PDS5B: variants seen among roughly 807,000 people sequenced by gnomAD.
PDS5B encodes sister chromatid cohesion protein PDS5 homolog B.
Under a neutral mutation model 184.1 loss-of-function variants are expected in PDS5B, and 51 were observed. The ratio of observed to expected loss-of-function variants is 0.28; its 90% confidence interval spans 0.22 to 0.35. The LOEUF (loss-of-function observed/expected upper bound fraction) is 0.35. Ranked by LOEUF, PDS5B falls within the 10% of genes least tolerant of loss-of-function variation. The pLI, the probability that PDS5B is intolerant of heterozygous loss-of-function variation, is 1.00. For synonymous variants in PDS5B, 566 were observed against 569.2 expected, an observed-to-expected ratio of 0.99 and a Z score of 0.08; for missense variants, 1,180 against 1,723.3, an observed-to-expected ratio of 0.68 and a Z score of 5.58.
intron 1 of PDS5B, among the ~76,000 whole-genome samples, chr13:32,619,807 A>G (rs1181636255): frequency 6.6e-6 from 1 of 152,066 alleles, no homozygotes; most frequent in Non-Finnish European, 1.5e-5. Flanking sequence ...TAAACATTTT[A>G]TTTTATTTGA....
intron 19 of PDS5B, among the ~76,000 whole-genome samples, chr13:32,724,594 A>AT (rs1020299802): frequency 1.2e-4 from 18 of 150,938 alleles, no homozygotes; most frequent in African/African-American, 3.4e-4. Flanking sequence ...GTTTGTTTTG[A>AT]TTTTTTTAAC....
intron 8 of PDS5B, 44 bp downstream of exon 8, chr13:32,673,400 C>G: frequency 6.6e-7 from 1 of 1,506,568 alleles, no homozygotes; most frequent in Admixed American, 1.8e-5. Context: ...AAGTTATTAG[C>G]AAAGAGCATT....
At chr13:32,747,555 C>T (rs1030882754) in intron 24 of PDS5B, among the ~76,000 whole-genome samples, 7 of 149,936 alleles carry the variant, frequency 4.7e-5, no homozygotes, top group African/African-American at 1.7e-4. Context: ...CCATTGCACT[C>T]CAGCCTGGGC....
chr13:32,775,045 G>A lies in PDS5B; in HGVS notation c.4337G>A (p.Arg1446Gln), dbSNP rs1212268137. 3.7e-6 allele frequency: 6 copies of A among 1,608,002 alleles called. No homozygotes were observed. Among genetic ancestry groups the A allele is most frequent in the Admixed American group, 1.7e-5 (1 of 59,778 alleles). Reference protein sequence around the residue: ...NVRRRSAKRERR With the variant: ...NVRRRSAKREQR ...CGGCGGCGAAGTGCTAAAAGGGAACGGCGATGAACAAATGTAATTAATAAC... is the reference window on the plus strand; with the variant it reads ...CGGCGGCGAAGTGCTAAAAGGGAACAGCGATGAACAAATGTAATTAATAAC... Residue 1446 changes from arginine to glutamine, a missense_variant, in exon 35 of 35, where the codon CGG becomes CAG. Transcript: ENST00000315596.
chr13:32,723,581 T>C (rs1260103429), intron 19 of PDS5B, among the ~76,000 whole-genome samples: 1 of 152,210 alleles, frequency 6.6e-6, no homozygotes, highest in East Asian at 1.9e-4. Flanking sequence ...TTGTTTTCTT[T>C]TAAAATAACT....
intron 6 of PDS5B, among the ~76,000 whole-genome samples, chr13:32,665,675 G>A (rs1276453122): frequency 4.7e-5 from 7 of 149,404 alleles, no homozygotes; most frequent in Admixed American, 2.0e-4. Flanking sequence ...GCTATAGAGA[G>A]CAAAGCCGTA....
At chr13:32,629,246 T>C (rs952460670) in intron 1 of PDS5B, among the ~76,000 whole-genome samples, 2 of 152,206 alleles carry the variant, frequency 1.3e-5, no homozygotes, top group Non-Finnish European at 2.9e-5. Context: ...GAATCATTGC[T>C]CCGAGTTGTT....
chr13:32,633,493 G>A (rs1489387409), intron 1 of PDS5B, among the ~76,000 whole-genome samples: 3 of 152,188 alleles, frequency 2.0e-5, no homozygotes, highest in Non-Finnish European at 4.4e-5. Flanking sequence ...TAGCCAGGAA[G>A]CATATAAGGT....
chr13:32,644,970 A>G (rs1950182403), intron 1 of PDS5B, among the ~76,000 whole-genome samples: 1 of 152,114 alleles, frequency 6.6e-6, no homozygotes, highest in Non-Finnish European at 1.5e-5. Flanking sequence ...ATTTATGATT[A>G]AGATTTGTCT....
chr13:32,647,948 T>G (rs1482154988), intron 1 of PDS5B, among the ~76,000 whole-genome samples: 1 of 152,150 alleles, frequency 6.6e-6, no homozygotes, highest in Admixed American at 6.5e-5. Context: ...TTGGATTTAC[T>G]TATGTTAGGT....
intron 6 of PDS5B, among the ~76,000 whole-genome samples, chr13:32,666,218 G>C (rs931473619): frequency 1.3e-5 from 2 of 152,030 alleles, no homozygotes; most frequent in African/African-American, 4.8e-5. Context: ...GTAGCTGGGA[G>C]TATAGGCATC....
intron 28 of PDS5B, among the ~76,000 whole-genome samples, chr13:32,759,313 C>T (rs1362787631): frequency 1.3e-5 from 2 of 152,058 alleles, no homozygotes; most frequent in East Asian, 1.9e-4. Flanking sequence ...AGGGCTGTCA[C>T]GTTGGTGTGA....
intron 1 of PDS5B, among the ~76,000 whole-genome samples, chr13:32,618,137 G>A (rs775586703): frequency 1.3e-4 from 20 of 152,212 alleles, no homozygotes; most frequent in Middle Eastern, 6.8e-3. Context: ...AGGAGCCCTC[G>A]TGGCCTAAGC....
chr13:32,714,756 T>C (rs752287770), intron 19 of PDS5B, among the ~76,000 whole-genome samples: 10 of 152,198 alleles, frequency 6.6e-5, no homozygotes, highest in Non-Finnish European at 1.2e-4. Context: ...GTTATCCTGC[T>C]CTTTTTTCAA....
At position 32,672,077 on chromosome 13, in the gene PDS5B, T is replaced by A. The variant is rs76192184; in HGVS notation, c.706-1139T>A. 8.9e-3 allele frequency among the ~76,000 whole-genome samples: 1,352 copies of A among 152,330 alleles called. 16 individuals carry two copies. Among genetic ancestry groups the A allele is most frequent in the African/African-American group, 0.031 (1,291 of 41,574 alleles). ...AAAATTGTTTAAATTTGGATTTTCC[T>A]TGTGTTTGTGTGTGCTTTTAATTGG... On this transcript the variant is annotated intron_variant, in intron 7 of 34. Coordinates refer to ENST00000315596, the MANE Select transcript of PDS5B (RefSeq NM_015032.4).
At chr13:32,753,966 G>A (rs1376015228) in intron 25 of PDS5B, among the ~76,000 whole-genome samples, 3 of 152,114 alleles carry the variant, frequency 2.0e-5, no homozygotes, top group South Asian at 2.1e-4. Context: ...AGGTTAGTTG[G>A]TGTGCCTCTT....
At chr13:32,688,414 T>C (rs777090258) in intron 12 of PDS5B, 42 bp from the exon 13 acceptor site, 6 of 982,404 alleles carry the variant, frequency 6.1e-6, no homozygotes, top group Non-Finnish European at 4.7e-6. Flanking sequence ...CTTTAGAACA[T>C]TAGAAAAAAA....
chr13:32,668,279 T>C (rs1460653852), intron 7 of PDS5B, among the ~76,000 whole-genome samples: 1 of 152,190 alleles, frequency 6.6e-6, no homozygotes, highest in Non-Finnish European at 1.5e-5. Context: ...CAAGTATGAA[T>C]GGCAGTAGTG....
intron 1 of PDS5B, among the ~76,000 whole-genome samples, chr13:32,624,216 T>C (rs2058341224): frequency 6.6e-6 from 1 of 152,180 alleles, no homozygotes; most frequent in Non-Finnish European, 1.5e-5. Flanking sequence ...CATGCTATTA[T>C]GTATTTATAT....
Sources: allele counts gnomAD v4.1 joint callset (sites outside exome capture counted in the v4.1 genomes callset), GRCh38; gene constraint gnomAD v4.1.1; transcripts MANE v1.5; gene names NCBI Gene and HGNC (gene_info 2026-07-23, HGNC 2026-07-21).